Variants in CSNK2A1 observed in about 807,000 individuals in gnomAD.
The protein encoded by CSNK2A1 is casein kinase II subunit alpha.
In CSNK2A1, 10 loss-of-function variants were observed where a neutral mutation model predicts 62.9. That is an observed-to-expected ratio of 0.16 (90% CI 0.10 to 0.27). The LOEUF (loss-of-function observed/expected upper bound fraction) is 0.27. CSNK2A1 is among the 10% of genes least tolerant of loss of function. CSNK2A1 has a pLI of 1.00. For missense variants in CSNK2A1, 160 were observed against 492.0 expected, an observed-to-expected ratio of 0.33 and a Z score of 6.38; for synonymous variants, 124 against 167.8, an observed-to-expected ratio of 0.74 and a Z score of 2.02.
intron 4 of CSNK2A1, chr20:501,742 G>C (rs2018476106): frequency 6.6e-6 from 1 of 152,006 alleles, no homozygotes; most frequent in African/African-American, 2.4e-5. Context: ...ATAACTCTTA[G>C]AAGTTAAGTA....
At chr20:541,603 G>A (rs1007114548) in intron 1 of CSNK2A1, among the ~76,000 whole-genome samples, 19 of 152,132 alleles carry the variant, frequency 1.2e-4, no homozygotes, top group African/African-American at 3.6e-4. Flanking sequence ...AAAAGGACGC[G>A]CAGTATGGAA....
At chr20:484,235 C>T (rs1408168840) in intron 13 of CSNK2A1, 159 bp from the exon 14 acceptor site, 6 of 562,292 alleles carry the variant, frequency 1.1e-5, no homozygotes, top group East Asian at 3.5e-5. Flanking sequence ...CTCACAAATT[C>T]AAGTTAAAGT....
At chr20:489,910 T>A in intron 9 of CSNK2A1, 29 bp from the exon 10 acceptor site, 1 of 1,540,808 alleles carries the variant, frequency 6.5e-7, no homozygotes, top group Non-Finnish European at 8.9e-7. Context: ...ACTGTTATTA[T>A]CTGTGAATCC....
At chr20:497,498 G>A (rs2018369189) in intron 7 of CSNK2A1, among the ~76,000 whole-genome samples, 1 of 151,788 alleles carries the variant, frequency 6.6e-6, no homozygotes, top group African/African-American at 2.4e-5. Flanking sequence ...ATGTCACCCA[G>A]GCTGGTCTTT....
intron 7 of CSNK2A1, among the ~76,000 whole-genome samples, chr20:497,177 A>T (rs2018362220): frequency 6.6e-6 from 1 of 152,144 alleles, no homozygotes; most frequent in African/African-American, 2.4e-5. Flanking sequence ...GTATTTAGAG[A>T]CAGGGTCTTA....
At chr20:497,895 G>C in intron 6 of CSNK2A1, 115 bp from the exon 7 acceptor site, 1 of 837,300 alleles carries the variant, frequency 1.2e-6, no homozygotes, top group Non-Finnish European at 1.9e-6. Context: ...TCCAAGATCT[G>C]TCCATTCACT....
chr20:515,279 G>T (rs931550901), intron 2 of CSNK2A1, among the ~76,000 whole-genome samples: 2 of 152,220 alleles, frequency 1.3e-5, no homozygotes, highest in Non-Finnish European at 2.9e-5. Context: ...TGGATTTCTT[G>T]CTTGACAGAC....
At chr20:489,113 G>A (rs2018162037) in intron 10 of CSNK2A1, 1 of 245,846 alleles carries the variant, frequency 4.1e-6, no homozygotes, top group South Asian at 6.0e-5. Flanking sequence ...TTTCTACTCT[G>A]AAGTTATGAC....
intron 1 of CSNK2A1, among the ~76,000 whole-genome samples, chr20:528,609 TTCTTTTGTTTTTTTTTCTGAGATG>T (rs1432425161): frequency 2.6e-5 from 4 of 152,108 alleles, no homozygotes; most frequent in Non-Finnish European, 5.9e-5. Flanking sequence ...TTTTCTTTCT[TTCTTTTGTTTTTTTTTCTGAGATG>T]TCTTTTGTTT....
At position 480,390 on chromosome 20, in the gene CSNK2A1, T is replaced by C. The variant is rs961839435; in HGVS notation, c.*3571A>G. On this transcript the variant is annotated 3_prime_UTR_variant, in exon 14 of 14. Coordinates refer to ENST00000217244, the MANE Select transcript of CSNK2A1 (RefSeq NM_177559.3). ...ATTTTCCTCGTGCCATTCCATTCAA[T>C]ACTCTTCGATCCTGAGGGAAAACGA... 1 of 151,574 alleles carries C rather than the reference T, an allele frequency of 6.6e-6. No homozygotes were observed. Among genetic ancestry groups the C allele is most frequent in the Non-Finnish European group, 1.5e-5 (1 of 67,958 alleles). The allele number at this position is 151,574 out of a possible 1,614,324, so 9.4% of individuals were successfully genotyped here. A position where few individuals can be genotyped will look rare whatever the true frequency, so the allele number is the denominator to read the frequency against.
rs1023979137 is a variant in CSNK2A1, at chr20:478,250, A to C, written c.*5711T>G. 2 of 153,398 alleles carry C rather than the reference A, an allele frequency of 1.3e-5. No individual in the cohort carries two copies. The highest frequency in any genetic ancestry group is 4.8e-5 in the African/African-American group (2 of 41,442). 9.5% of individuals were successfully genotyped at this position (153,398 alleles called of 1,614,324 possible). ...GTGGGTGAGGAATGCCAGAGACGGG[A>C]GAACAAAATGAGGTATACCGTCAGG... On this transcript the variant is annotated 3_prime_UTR_variant, in exon 14 of 14. Transcript: ENST00000217244.
At chr20:536,217 CAGG>C in intron 1 of CSNK2A1, among the ~76,000 whole-genome samples, 1 of 151,910 alleles carries the variant, frequency 6.6e-6, no homozygotes, top group Non-Finnish European at 1.5e-5. Context: ...CAAGGAAGTA[CAGG>C]TCAAAAGTCT....
chr20:486,391 C>T lies in CSNK2A1; in HGVS notation c.1045G>A (p.Ala349Thr), dbSNP rs199556093. The T allele has an allele frequency of 8.2e-5, 133 of 1,613,352 alleles. No individual in the cohort carries two copies. The highest frequency in any genetic ancestry group is 6.5e-5 in the Non-Finnish European group (77 of 1,179,844). The change falls in exon 13 of 14, where the codon GCC (alanine) becomes ACC (threonine). Residue 349 changes from alanine to threonine, a missense_variant. Physicochemically the swap from Ala to Thr is moderately conservative, Grantham distance 58 (BLOSUM62 0). Coordinates refer to ENST00000217244, the MANE Select transcript of CSNK2A1 (RefSeq NM_177559.3). ...ATGAACTGACCTGACATCATATTGG[C>T]GCTGCTGACGGGCGTACTGCCCCCT... ...MPGGSTPVSS[A>T]NMMSGISSVP...
Position 476,079 on chromosome 20 carries a change from T to G in CSNK2A1, c.*7882A>C, listed in dbSNP as rs979827536. On this transcript the variant is annotated 3_prime_UTR_variant, in exon 14 of 14. Coordinates refer to ENST00000217244, the MANE Select transcript of CSNK2A1 (RefSeq NM_177559.3). ...GGACAGATTCCTGGCAACATAGCTG[T>G]GCAAAAGCAGCCCCACAAGCAAAAT... 6.6e-6 allele frequency: 1 copy of G among 152,286 alleles called. No homozygotes were observed. The highest frequency in any genetic ancestry group is 2.4e-5 in the African/African-American group (1 of 41,458). The allele number at this position is 152,286 out of a possible 1,614,324, so 9.4% of individuals were successfully genotyped here.
At chr20:495,890 C>A (rs903575012) in intron 7 of CSNK2A1, 88 bp from the exon 8 acceptor site, 3 of 1,027,068 alleles carry the variant, frequency 2.9e-6, no homozygotes, top group African/African-American at 1.6e-5. Flanking sequence ...TTCCTTTTAG[C>A]CTCACAATAC....
At chr20:497,071 T>C (rs1345450306) in intron 7 of CSNK2A1, among the ~76,000 whole-genome samples, 1 of 152,212 alleles carries the variant, frequency 6.6e-6, no homozygotes, top group East Asian at 1.9e-4. Flanking sequence ...AATACCCTTT[T>C]TCAAATTGTT....
At chr20:489,753 T>G (rs750045249) in intron 10 of CSNK2A1, 27 bp downstream of exon 10, 3 of 1,585,140 alleles carry the variant, frequency 1.9e-6, no homozygotes, top group South Asian at 2.3e-5. Context: ...GGCCAGTACA[T>G]TTTTCAATGG....
chr20:486,820 G>C (rs1434414648), intron 12 of CSNK2A1: 1 of 224,134 alleles, frequency 4.5e-6, no homozygotes, highest in Non-Finnish European at 9.0e-6. Context: ...CCACAGCCCA[G>C]TACCAAGTAG....
chr20:497,502 G>T (rs758056682), intron 7 of CSNK2A1, among the ~76,000 whole-genome samples: 1 of 151,782 alleles, frequency 6.6e-6, no homozygotes, highest in Non-Finnish European at 1.5e-5. Flanking sequence ...CACCCAGGCT[G>T]GTCTTTTGAT....
Sources: allele counts gnomAD v4.1 joint callset (sites outside exome capture counted in the v4.1 genomes callset), GRCh38; gene constraint gnomAD v4.1.1; transcripts MANE v1.5; gene names NCBI Gene and HGNC (gene_info 2026-07-23, HGNC 2026-07-21).